Variants in SLC71A2 observed in about 807,000 individuals in gnomAD.
SLC71A2 encodes hippocampus abundant transcript-like 1.
chr9:94,378,332 G>A, the SLC71A2 span, among the ~76,000 whole-genome samples: 2 of 152,052 alleles, frequency 1.3e-5, no homozygotes, highest in Non-Finnish European at 2.9e-5. Flanking sequence ...CACGTGTTGG[G>A]GAGGGAGCAA....
chr9:94,435,436 T>A, the SLC71A2 span, among the ~76,000 whole-genome samples: 2 of 152,208 alleles, frequency 1.3e-5, no homozygotes, highest in Admixed American at 6.5e-5. Flanking sequence ...TCAGCAGTTA[T>A]GCCTTTTTTC....
chr9:94,419,275 G>A, the SLC71A2 span, among the ~76,000 whole-genome samples: 999 of 149,580 alleles, frequency 6.7e-3, 14 homozygotes, highest in African/African-American at 0.024. Flanking sequence ...CACCACGCTT[G>A]GCTAAAGCTT....
At chr9:94,418,967 C>T in the SLC71A2 span, among the ~76,000 whole-genome samples, 1 of 152,100 alleles carries the variant, frequency 6.6e-6, no homozygotes, top group Non-Finnish European at 1.5e-5. Context: ...AAGTTTTCGT[C>T]TGCAATATTC....
At chr9:94,426,306 T>G in the SLC71A2 span, among the ~76,000 whole-genome samples, 1 of 152,038 alleles carries the variant, frequency 6.6e-6, no homozygotes, top group Non-Finnish European at 1.5e-5. Flanking sequence ...TCAGCAGCTT[T>G]GAGAGGAAGA....
At chr9:94,401,979 G>A in the SLC71A2 span, among the ~76,000 whole-genome samples, 37 of 152,244 alleles carry the variant, frequency 2.4e-4, no homozygotes, top group Non-Finnish European at 3.8e-4. Flanking sequence ...ACTTCCTGAC[G>A]TTGCCATGAC....
the SLC71A2 span, among the ~76,000 whole-genome samples, chr9:94,434,006 ATG>A: frequency 6.6e-6 from 1 of 152,090 alleles, no homozygotes; most frequent in Non-Finnish European, 1.5e-5. Flanking sequence ...ACAGACCTTT[ATG>A]AACTGCTAAT....
At chr9:94,441,962 CA>C in the SLC71A2 span, among the ~76,000 whole-genome samples, 22 of 152,280 alleles carry the variant, frequency 1.4e-4, no homozygotes, top group South Asian at 3.1e-3. Context: ...TCAGATGTTT[CA>C]GGGGAAAAGA....
At chr9:94,459,188 T>C in the SLC71A2 span, 2 of 1,614,034 alleles carry the variant, frequency 1.2e-6, no homozygotes, top group Non-Finnish European at 1.7e-6. Context: ...CCCGCCGTTT[T>C]TATTTGGGGC....
At chr9:94,453,364 G>A in the SLC71A2 span, among the ~76,000 whole-genome samples, 2 of 151,996 alleles carry the variant, frequency 1.3e-5, no homozygotes, top group African/African-American at 4.8e-5. Context: ...TGGCCAGGCT[G>A]GTCTCGAACT....
the SLC71A2 span, among the ~76,000 whole-genome samples, chr9:94,452,123 C>T: frequency 6.6e-6 from 1 of 152,278 alleles, no homozygotes; most frequent in East Asian, 1.9e-4. Context: ...GCTTTTACAC[C>T]AACCAAAATA....
At chr9:94,381,910 A>T in the SLC71A2 span, among the ~76,000 whole-genome samples, 1 of 152,218 alleles carries the variant, frequency 6.6e-6, no homozygotes, top group East Asian at 1.9e-4. Context: ...GTTCATCCAT[A>T]TCCTTACCAA....
the SLC71A2 span, among the ~76,000 whole-genome samples, chr9:94,394,907 C>CTT: frequency 9.4e-5 from 9 of 95,852 alleles, no homozygotes; most frequent in South Asian, 4.1e-4. Flanking sequence ...TGTGGCAGTA[C>CTT]TTTTTTTGTT....
chr9:94,394,503 GGT>G, the SLC71A2 span, among the ~76,000 whole-genome samples: 1 of 88,038 alleles, frequency 1.1e-5, no homozygotes, highest in African/African-American at 2.9e-5. Context: ...GTTAGCGTGT[GGT>G]GGCAGGATTT....
At chr9:94,454,005 T>A in the SLC71A2 span, 1 of 1,614,052 alleles carries the variant, frequency 6.2e-7, no homozygotes, top group Non-Finnish European at 8.5e-7. Context: ...ATAAGAATAC[T>A]GTCCTCCTTG....
chr9:94,379,406 GA>G, the SLC71A2 span, among the ~76,000 whole-genome samples: 24 of 118,488 alleles, frequency 2.0e-4, 1 homozygote, highest in South Asian at 1.3e-3. Context: ...TTTTTTTTAA[GA>G]GGTGAGGCCT....
chr9:94,383,161 C>T, the SLC71A2 span, among the ~76,000 whole-genome samples: 34 of 105,760 alleles, frequency 3.2e-4, no homozygotes, highest in Non-Finnish European at 4.1e-4. Flanking sequence ...GCTTTTACAT[C>T]TTTTTTTTTT....
the SLC71A2 span, among the ~76,000 whole-genome samples, chr9:94,420,925 A>G: frequency 6.6e-6 from 1 of 152,166 alleles, no homozygotes; most frequent in Non-Finnish European, 1.5e-5. Flanking sequence ...AAATTAAAAA[A>G]TAAATAAATG....
the SLC71A2 span, chr9:94,415,059 A>T: frequency 2.3e-6 from 2 of 872,000 alleles, no homozygotes; most frequent in East Asian, 5.3e-5. Flanking sequence ...TAGGCCCTAA[A>T]TTTTTTTACA....
the SLC71A2 span, among the ~76,000 whole-genome samples, chr9:94,413,702 C>G: frequency 2.1e-5 from 3 of 146,034 alleles, no homozygotes; most frequent in African/African-American, 7.5e-5. Context: ...AACCCTTATA[C>G]TTAATGGCTT....
Sources: gnomAD v4.1 joint callset for allele counts (sites outside exome capture counted in the v4.1 genomes callset) on GRCh38, gnomAD v4.1.1 for gene constraint, MANE v1.5 for transcripts, NCBI Gene and HGNC (gene_info 2026-07-23, HGNC 2026-07-21) for gene names.